Variants in CD22 observed in about 807,000 individuals in gnomAD.
CD22 encodes the protein B-cell receptor CD22.
In CD22, 51 loss-of-function variants were observed where a neutral mutation model predicts 94.7. The observed-to-expected ratio is 0.54, with a 90% CI of 0.43 to 0.68. CD22 has a LOEUF of 0.68. Ranked by LOEUF, CD22 falls within the 30% of genes least tolerant of loss-of-function variation. The probability of loss-of-function intolerance (pLI) is 0.00; values close to 1 mark genes in which losing one functional copy is unlikely to be tolerated. For synonymous variants in CD22, 424 were observed against 422.5 expected (o/e 1.00, Z -0.04); for missense variants, 931 against 1,060.4 (o/e 0.88, Z 1.69).
chr19:35,346,698 C>T lies in CD22; in HGVS notation c.*1C>T. On this transcript the variant is annotated 3_prime_UTR_variant, in exon 14 of 14. Transcript: ENST00000085219. The stretch of plus-strand genomic sequence containing the variant: ...GGACTATGTGATCCTCAAACATTGA[C>T]ACTGGATGGGCTGCAGCAGAGGCAC... 6.2e-7 allele frequency: 1 copy of T among 1,605,206 alleles called. No individual in the cohort carries two copies. The highest frequency in any genetic ancestry group is 1.1e-5 in the South Asian group (1 of 89,704).
chr19:35,340,654 C>G (rs1263373197), intron 6 of CD22, among the ~76,000 whole-genome samples: 2 of 152,232 alleles, frequency 1.3e-5, no homozygotes, highest in Non-Finnish European at 2.9e-5. Flanking sequence ...AGCCGTCTGG[C>G]TTCAGCGCTG....
At chr19:35,344,579 C>T (rs76787941) in intron 9 of CD22, among the ~76,000 whole-genome samples, 2,819 of 152,332 alleles carry the variant, frequency 0.019, 63 homozygotes, top group South Asian at 0.083. Flanking sequence ...TATGCGGGTG[C>T]GGGTCACAGG....
At position 35,341,957 on chromosome 19, in the gene CD22, C is replaced by A; in HGVS notation, c.2027C>A (p.Thr676Asn). ...GGCCGTTCGCCTCTCAGCACCCTCA[C>A]CGTCTACTGTAAGGCCTCTTCCTGC... ...GKGRSPLSTL[T>N]VYYSPETIGR... The change falls in exon 9 of 14, where the codon ACC becomes AAC. Residue 676 changes from threonine (T) to asparagine (N), a missense_variant. By Grantham distance (65) the Thr-to-Asn change is moderately conservative. Coordinates refer to ENST00000085219, the MANE Select transcript of CD22 (RefSeq NM_001771.4). The surrounding 1 kb of genome is among the most constrained non-coding windows in gnomAD (Gnocchi z 4.0). 1 of 1,612,178 alleles carries A rather than the reference C, an allele frequency of 6.2e-7. No individual in the cohort carries two copies.
chr19:35,333,312 C>A (rs1216540833), intron 3 of CD22, among the ~76,000 whole-genome samples: 1 of 152,050 alleles, frequency 6.6e-6, no homozygotes, highest in Non-Finnish European at 1.5e-5. Flanking sequence ...CCAGGCTGGA[C>A]CGCCCCCTTC....
chr19:35,338,484 C>A, intron 6 of CD22, 53 bp downstream of exon 6: 3 of 1,566,082 alleles, frequency 1.9e-6, no homozygotes, highest in Non-Finnish European at 2.6e-6. Context: ...ACACAGGGAA[C>A]GGGGAAGGCA....
Position 35,345,645 on chromosome 19 carries a change from G to T in CD22, c.2252G>T (p.Cys751Phe). 1 of 1,613,854 alleles carries T rather than the reference G, an allele frequency of 6.2e-7. No homozygotes were observed. The highest frequency in any genetic ancestry group is 8.5e-7 in the Non-Finnish European group (1 of 1,179,806). ...PLSEGPHSLGCYNPMMEDGIS... is the reference protein window; with the variant it reads ...PLSEGPHSLGFYNPMMEDGIS... ...TCTGAAGGCCCCCACTCCCTGGGATGCTACAATCCAATGATGGAAGATGGC... is the reference window on the plus strand; with the variant it reads ...TCTGAAGGCCCCCACTCCCTGGGATTCTACAATCCAATGATGGAAGATGGC... Residue 751 changes from cysteine to phenylalanine, a missense_variant, in exon 12 of 14, where the codon TGC (cysteine) becomes TTC (phenylalanine). Coordinates refer to ENST00000085219, the MANE Select transcript of CD22 (RefSeq NM_001771.4).
rs893906108 is a variant in CD22 at position 35,341,556 on chromosome 19, A to G, written c.1721A>G (p.Asn574Ser). The G allele has an allele frequency of 4.3e-6, 7 of 1,614,122 alleles. No homozygotes were observed. Among genetic ancestry groups the G allele is most frequent in the Non-Finnish European group, 5.9e-6 (7 of 1,180,016 alleles). The change falls in exon 8 of 14, where the codon AAC (asparagine) becomes AGC (serine). Residue 574 changes from asparagine (N) to serine (S), a missense_variant. Coordinates refer to ENST00000085219, the MANE Select transcript of CD22 (RefSeq NM_001771.4). The surrounding 1 kb of genome is among the most constrained non-coding windows in gnomAD (Gnocchi z 4.0). ...EDAGSYSCWVNNSIGQTASKA... is the reference protein window; with the variant it reads ...EDAGSYSCWVSNSIGQTASKA... ...GCTGGGAGTTACAGCTGCTGGGTGA[A>G]CAACTCCATAGGACAGACAGCGTCC...
intron 3 of CD22, among the ~76,000 whole-genome samples, chr19:35,333,846 G>A (rs963970096): frequency 5.9e-5 from 9 of 152,084 alleles, no homozygotes; most frequent in African/African-American, 1.4e-4. Context: ...CACCGCACCC[G>A]GCCTGATCTT....
intron 3 of CD22, chr19:35,333,172 C>T: frequency 2.0e-6 from 1 of 511,944 alleles, no homozygotes; most frequent in South Asian, 3.3e-5. Context: ...CTGATCTTTC[C>T]CTCTTTCTTT....
rs1349901333 is a variant in CD22, at chr19:35,345,649, C to T, written c.2256C>T (p.Tyr752=). 1 of 1,613,894 alleles carries T rather than the reference C, an allele frequency of 6.2e-7. No individual in the cohort carries two copies. Among genetic ancestry groups the T allele is most frequent in the Non-Finnish European group, 8.5e-7 (1 of 1,179,830 alleles). ...LSEGPHSLGC[Y]NPMMEDGISY... ...AAGGCCCCCACTCCCTGGGATGCTA[C>T]AATCCAATGATGGAAGATGGCATTA... The change falls in exon 12 of 14, where the codon TAC becomes TAT. Residue 752 remains tyrosine, a synonymous_variant. Transcript: ENST00000085219.
intron 6 of CD22, 89 bp downstream of exon 6, chr19:35,338,520 C>A: frequency 7.1e-7 from 1 of 1,415,702 alleles, no homozygotes; most frequent in Non-Finnish European, 9.6e-7. Context: ...ATTCCGGGGT[C>A]CTGGAGTCAA....
chr19:35,345,458 G>T, intron 11 of CD22, 144 bp from the exon 12 acceptor site: 1 of 625,418 alleles, frequency 1.6e-6, no homozygotes. Flanking sequence ...GTAGGCATGA[G>T]GCAGACTGTG....
intron 2 of CD22, 78 bp from the exon 3 acceptor site, chr19:35,332,469 A>C: frequency 1.4e-6 from 2 of 1,398,096 alleles, no homozygotes; most frequent in Admixed American, 2.5e-5. Context: ...AAAATTAAAC[A>C]AATTTTAAAA....
chr19:35,336,293 G>A lies in CD22; in HGVS notation c.670G>A (p.Ala224Thr). Reference sequence around the variant, plus strand: ...GATTGTGACCTGCCAGCTTCAGGATGCAGATGGGAAGTTCCTCTCCAATGA... The same window carrying A: ...GATTGTGACCTGCCAGCTTCAGGATACAGATGGGAAGTTCCTCTCCAATGA... ...GKIVTCQLQD[A>T]DGKFLSNDTV... Residue 224 changes from alanine (A) to threonine (T), a missense_variant, in exon 4 of 14, where the codon GCA becomes ACA. By Grantham distance (58) the Ala-to-Thr change is moderately conservative. Transcript: ENST00000085219. 6.2e-7 allele frequency: 1 copy of A among 1,614,242 alleles called. No individual in the cohort carries two copies. The highest frequency in any genetic ancestry group is 8.5e-7 in the Non-Finnish European group (1 of 1,180,048).
chr19:35,335,887 A>C (rs570486143), intron 3 of CD22, 149 bp from the exon 4 acceptor site: 3 of 668,182 alleles, frequency 4.5e-6, no homozygotes, highest in Non-Finnish European at 7.7e-6. Context: ...AACAACAATA[A>C]CAACAAAAAA....
intron 3 of CD22, among the ~76,000 whole-genome samples, chr19:35,333,348 G>A (rs186633870): frequency 1.6e-4 from 24 of 152,018 alleles, no homozygotes; most frequent in Admixed American, 3.3e-4. Context: ...AAGCTGCATC[G>A]CTCACCCCAA....
intron 11 of CD22, 63 bp from the exon 12 acceptor site, chr19:35,345,539 C>A: frequency 9.8e-7 from 1 of 1,021,140 alleles, no homozygotes; most frequent in South Asian, 1.4e-5. Flanking sequence ...CTGTCAGAGG[C>A]CAGGGAAGGG....
In CD22 at chr19:35,337,979, G is replaced by C. The variant is rs191141132; in HGVS notation, c.943G>C (p.Val315Leu). The change falls in exon 5 of 14, where the codon GTG becomes CTG. Residue 315 changes from valine (V) to leucine (L), a missense_variant. Transcript: ENST00000085219. This position sits in a 1 kb window ranked among gnomAD's most constrained non-coding sequence, Gnocchi z 4.4. ...GKYCCQVSND[V>L]GPGRSEEVFL... ...GTACTGCTGTCAGGTCTCCAATGACGTGGGCCCGGGAAGGTCGGAAGAAGT... is the reference window on the plus strand; with the variant it reads ...GTACTGCTGTCAGGTCTCCAATGACCTGGGCCCGGGAAGGTCGGAAGAAGT... 6.2e-6 allele frequency: 10 copies of C among 1,613,858 alleles called. No individual in the cohort carries two copies. In the Admixed American group the frequency reaches 1.3e-4, roughly 22 times the overall value.
intron 1 of CD22, chr19:35,330,637 T>A (rs770188954): frequency 3.9e-5 from 6 of 152,138 alleles, no homozygotes; most frequent in Non-Finnish European, 7.3e-5. Context: ...GAGAGGAACA[T>A]TGATGCGTGT....
Sources: allele counts gnomAD v4.1 joint callset (sites outside exome capture counted in the v4.1 genomes callset), GRCh38; gene constraint gnomAD v4.1.1; non-coding constraint Gnocchi (gnomAD v3.1); transcripts MANE v1.5; gene names NCBI Gene and HGNC (gene_info 2026-07-23, HGNC 2026-07-21).